GTF2IRD1: variants seen among roughly 807,000 people sequenced by gnomAD.
GTF2IRD1 encodes GTF2I repeat domain containing 1.
In GTF2IRD1, 26 loss-of-function variants were observed where a neutral mutation model predicts 113.2. The observed-to-expected ratio is 0.23, with a 90% CI of 0.17 to 0.32. The LOEUF is 0.32. Ranked by LOEUF, GTF2IRD1 falls within the 10% of genes least tolerant of loss-of-function variation. The pLI is 1.00. For synonymous variants in GTF2IRD1, 484 were observed against 529.1 expected (o/e 0.91, Z 1.17); for missense variants, 864 against 1,280.8 (o/e 0.67, Z 4.97).
chr7:74,572,678 C>CA (rs1800764246), intron 22 of GTF2IRD1: 1 of 281,530 alleles, frequency 3.6e-6, no homozygotes, highest in African/African-American at 2.3e-5. Flanking sequence ...CAGCCTTCCC[C>CA]ACCCCCTCTC....
At chr7:74,567,683 C>T (rs781947762) in intron 22 of GTF2IRD1, among the ~76,000 whole-genome samples, 16 of 152,194 alleles carry the variant, frequency 1.1e-4, no homozygotes, top group Non-Finnish European at 2.2e-4. Context: ...CTCTCCTCTG[C>T]CTGCCACACA....
Position 74,490,813 on chromosome 7 carries a change from G to A in GTF2IRD1, c.-6-17262G>A, listed in dbSNP as rs117050583. Among the ~76,000 whole-genome samples, 102 of 152,094 alleles carry A rather than the reference G, an allele frequency of 6.7e-4. 1 individual carries two copies. In the East Asian group the frequency reaches 0.018, roughly 27 times the overall value. On this transcript the variant is annotated intron_variant, in intron 1 of 26. Transcript: ENST00000424337. ...GAAAAATCCGGCTCTTTCTAGTGGC[G>A]CTTCCAAGGGGGAAGAGATTGGAGA...
intron 1 of GTF2IRD1, among the ~76,000 whole-genome samples, chr7:74,468,676 CTG>C (rs61694825): frequency 0.23 from 29,581 of 128,956 alleles, 3,330 homozygotes; most frequent in Admixed American, 0.26. Flanking sequence ...AAAAAAAAAA[CTG>C]TGTGTGTGTG....
At chr7:74,525,906 C>T (rs587689158) in intron 8 of GTF2IRD1, among the ~76,000 whole-genome samples, 143 of 152,300 alleles carry the variant, frequency 9.4e-4, no homozygotes, top group Non-Finnish European at 1.5e-3. Flanking sequence ...CTGGGGCAGC[C>T]TCTGCGTGTG....
intron 1 of GTF2IRD1, among the ~76,000 whole-genome samples, chr7:74,466,931 C>A (rs1424841713): frequency 2.0e-5 from 3 of 151,486 alleles, no homozygotes; most frequent in African/African-American, 7.3e-5. Context: ...AGGGTGGGGG[C>A]CTCCTCCACC....
At position 74,518,232 on chromosome 7, in the gene GTF2IRD1, G is replaced by A. The variant is rs782405304; in HGVS notation, c.515G>A (p.Gly172Asp). The change falls in exon 5 of 27, where the codon GGC (glycine) becomes GAC (aspartate). Residue 172 changes from glycine (G) to aspartate (D), a missense_variant. Physicochemically the swap from Gly to Asp is moderately conservative, Grantham distance 94 (BLOSUM62 -1). Transcript: ENST00000424337. ...CTGGCCGTGCAGGGGCTGCCCGAAG[G>A]CCTGGCCTTCCGAAGGCCAGCCGAG... ...GLLAVQGLPE[G>D]LAFRRPAEYD... is the part of the protein sequence containing the mutation. 1.2e-6 allele frequency: 2 copies of A among 1,611,868 alleles called. No homozygotes were observed. The highest frequency in any genetic ancestry group is 3.3e-5 in the Admixed American group (2 of 59,978).
chr7:74,557,161 G>T (rs1206505535), intron 19 of GTF2IRD1, among the ~76,000 whole-genome samples: 1 of 152,162 alleles, frequency 6.6e-6, no homozygotes, highest in African/African-American at 2.4e-5. Context: ...CAGGAGAATC[G>T]CCTGAGCCTG....
At chr7:74,479,163 C>T (rs997671085) in intron 1 of GTF2IRD1, among the ~76,000 whole-genome samples, 19 of 152,204 alleles carry the variant, frequency 1.2e-4, no homozygotes, top group Non-Finnish European at 2.6e-4. Flanking sequence ...CATGACCCGA[C>T]AGTTCCTCCG....
In GTF2IRD1 at chr7:74,507,114, C is replaced by T. The variant is rs116891450; in HGVS notation, c.-6-961C>T. ...TGCGGAAGGGAGGGGAGGACATCAC[C>T]GGCTCCTGACCCAGCTGGGCTTCAG... On this transcript the variant is annotated intron_variant, in intron 1 of 26. Coordinates refer to ENST00000424337, the MANE Select transcript of GTF2IRD1 (RefSeq NM_005685.4). The T allele has an allele frequency of 8.2e-3, 1,251 of 152,350 alleles. 9 individuals are homozygous for T. Among genetic ancestry groups the T allele is most frequent in the Non-Finnish European group, 0.013 (852 of 68,150 alleles). The allele number at this position is 152,350 out of a possible 1,614,324, so 9.4% of individuals were successfully genotyped here.
At chr7:74,523,924 T>C (rs1797438519) in intron 7 of GTF2IRD1, 147 bp from the exon 8 acceptor site, 1 of 635,662 alleles carries the variant, frequency 1.6e-6, no homozygotes, top group South Asian at 1.8e-5. Context: ...AATTCGTGTA[T>C]GGTCCGAGGT....
Position 74,511,861 on chromosome 7 carries a change from G to T in GTF2IRD1, c.124-969G>T, listed in dbSNP as rs946302310. On this transcript the variant is annotated intron_variant, in intron 2 of 26. Transcript: ENST00000424337. ...AGAGACCTGAGATGCTGGTGGTCTT[G>T]GTTGTAGGGACCCCCTACATTAAGG... is the stretch of plus-strand genomic sequence containing the variant. 2.0e-5 allele frequency among the ~76,000 whole-genome samples: 3 copies of T among 152,306 alleles called. No individual in the cohort carries two copies. The South Asian group carries it at 6.2e-4, about 32-fold the overall frequency.
chr7:74,517,345 C>T (rs1042230184), intron 4 of GTF2IRD1, among the ~76,000 whole-genome samples: 1 of 148,672 alleles, frequency 6.7e-6, no homozygotes, highest in African/African-American at 2.5e-5. Flanking sequence ...TTTTCTCAAT[C>T]CCCTATTTTT....
In GTF2IRD1 at chr7:74,517,433, T is replaced by C. The variant is rs1457111873; in HGVS notation, c.422-706T>C. On this transcript the variant is annotated intron_variant, in intron 4 of 26. Coordinates refer to ENST00000424337, the MANE Select transcript of GTF2IRD1 (RefSeq NM_005685.4). The stretch of plus-strand genomic sequence containing the variant: ...TCTCCCTTCCTCCCTACACCTTTTT[T>C]TTTTTTTTTTTTTTTTTGAGATGGA... 4.1e-4 allele frequency among the ~76,000 whole-genome samples: 56 copies of C among 137,154 alleles called. 1 individual carries two copies. Among genetic ancestry groups the C allele is most frequent in the East Asian group, 3.0e-3 (14 of 4,718 alleles). 90.0% of individuals were successfully genotyped at this position (137,154 alleles called of 152,430 possible).
At chr7:74,518,009 T>C (rs879985173) in intron 4 of GTF2IRD1, 130 bp from the exon 5 acceptor site, 6 of 558,500 alleles carry the variant, frequency 1.1e-5, no homozygotes, top group Non-Finnish European at 1.8e-5. Flanking sequence ...TCTGCAGTTA[T>C]GAGGGGTCCA....
At chr7:74,531,023 C>T (rs1329317731) in intron 9 of GTF2IRD1, among the ~76,000 whole-genome samples, 4 of 151,774 alleles carry the variant, frequency 2.6e-5, no homozygotes, top group African/African-American at 7.3e-5. Flanking sequence ...GAGCTATGAT[C>T]GTGCCACTGC....
chr7:74,595,171 C>A, intron 25 of GTF2IRD1, 120 bp downstream of exon 25: 3 of 537,758 alleles, frequency 5.6e-6, no homozygotes, highest in South Asian at 3.8e-5. Context: ...TTTGGGAGGC[C>A]GAGGCAGGCA....
At chr7:74,496,535 ATG>A (rs1358404354) in intron 1 of GTF2IRD1, among the ~76,000 whole-genome samples, 9 of 105,342 alleles carry the variant, frequency 8.5e-5, no homozygotes, top group Admixed American at 2.1e-4. Context: ...GTGTGCATGT[ATG>A]TGTGGGTGTG....
At chr7:74,462,404 C>G (rs1033499098) in intron 1 of GTF2IRD1, among the ~76,000 whole-genome samples, 1 of 152,194 alleles carries the variant, frequency 6.6e-6, no homozygotes, top group Non-Finnish European at 1.5e-5. Context: ...ATATGGTTTT[C>G]CATTTGTACA....
At chr7:74,522,964 G>C (rs1797377236) in intron 7 of GTF2IRD1, among the ~76,000 whole-genome samples, 1 of 152,202 alleles carries the variant, frequency 6.6e-6, no homozygotes, top group Non-Finnish European at 1.5e-5. Flanking sequence ...TTGAGAGAGA[G>C]ACCAGCAGAG....
Sources: gnomAD v4.1 joint callset for allele counts (sites outside exome capture counted in the v4.1 genomes callset) on GRCh38, gnomAD v4.1.1 for gene constraint, MANE v1.5 for transcripts, NCBI Gene and HGNC (gene_info 2026-07-23, HGNC 2026-07-21) for gene names.